Variants in C19orf47 observed in about 807,000 individuals in gnomAD.
C19orf47 encodes the protein uncharacterized protein C19orf47.
In C19orf47, 18 loss-of-function variants were observed where a neutral mutation model predicts 32.3. The ratio of observed to expected loss-of-function variants is 0.56; its 90% CI spans 0.39 to 0.83. C19orf47 has a LOEUF of 0.83. Among genes scored for constraint, C19orf47 ranks in the 40% least tolerant of loss-of-function variants. C19orf47 has a pLI of 0.00. For synonymous variants in C19orf47, 202 were observed against 211.1 expected, an observed-to-expected ratio of 0.96 and a Z score of 0.37; for missense variants, 484 against 531.6, an observed-to-expected ratio of 0.91 and a Z score of 0.88.
At chr19:40,317,608 G>A (rs186985677), downstream of C19orf47, among the ~76,000 whole-genome samples, 2 of 152,236 alleles carry the variant, frequency 1.3e-5, no homozygotes, top group African/African-American at 2.4e-5. Context: ...TCACAAGGAT[G>A]TGGCTCTCAA....
chr19:40,345,520 G>A (rs557963539), intron 1 of C19orf47, among the ~76,000 whole-genome samples: 5 of 137,862 alleles, frequency 3.6e-5, no homozygotes, highest in East Asian at 2.2e-4. Context: ...GCAATATAGC[G>A]AGACCCTGTC....
Position 40,321,586 on chromosome 19 carries a change from C to T in C19orf47, c.*296G>A. 5 of 1,173,686 alleles carry T rather than the reference C, an allele frequency of 4.3e-6. No homozygotes were observed. Among genetic ancestry groups the T allele is most frequent in the Non-Finnish European group, 5.3e-6 (5 of 947,364 alleles). 72.7% of individuals were successfully genotyped at this position (1,173,686 alleles called of 1,614,324 possible). ...AAGGGGAATGTAGGAGAGGAAGAAG[C>T]CCCCTGGCACTTGGGAGAGGTAGAA... On this transcript the variant is annotated 3_prime_UTR_variant, in exon 9 of 9. Transcript: ENST00000683109.
the C19orf47 span, chr19:40,299,459 T>G: frequency 6.6e-6 from 1 of 152,186 alleles, no homozygotes; most frequent in Non-Finnish European, 1.5e-5. Flanking sequence ...ATTTTTCCTT[T>G]TTTCTTTTCT....
At chr19:40,348,218 T>TA (rs952219662) in intron 1 of C19orf47, 106 bp downstream of exon 1, 4 of 706,904 alleles carry the variant, frequency 5.7e-6, no homozygotes, top group African/African-American at 3.8e-5. Flanking sequence ...AAACAAATCG[T>TA]AAGTCCGAAG....
intron 1 of C19orf47, among the ~76,000 whole-genome samples, chr19:40,344,215 G>A (rs1040773912): frequency 1.2e-4 from 18 of 151,780 alleles, no homozygotes; most frequent in Admixed American, 5.3e-4. Flanking sequence ...GCAGTGGCTC[G>A]TGCCTGTAAT....
downstream of C19orf47, among the ~76,000 whole-genome samples, chr19:40,318,048 T>C (rs933284437): frequency 1.1e-4 from 17 of 152,140 alleles, no homozygotes; most frequent in African/African-American, 4.1e-4. Flanking sequence ...ACCTCCGCCT[T>C]GACCCTTCTC....
At chr19:40,348,219 A>T in intron 1 of C19orf47, 105 bp downstream of exon 1, 1 of 706,630 alleles carries the variant, frequency 1.4e-6, no homozygotes, top group Non-Finnish European at 2.0e-6. Context: ...AACAAATCGT[A>T]AGTCCGAAGC....
downstream of C19orf47, among the ~76,000 whole-genome samples, chr19:40,317,402 T>C (rs1316619733): frequency 6.6e-6 from 1 of 151,998 alleles, no homozygotes; most frequent in Non-Finnish European, 1.5e-5. Flanking sequence ...GAGACCAGCC[T>C]GGGCAACATA....
At chr19:40,312,414 G>A in the C19orf47 span, among the ~76,000 whole-genome samples, 12 of 152,056 alleles carry the variant, frequency 7.9e-5, no homozygotes, top group East Asian at 1.9e-4. Flanking sequence ...GCATGGTGGC[G>A]GGCGCCTGTA....
At chr19:40,325,961 A>C (rs1345243272) in intron 7 of C19orf47, among the ~76,000 whole-genome samples, 1 of 152,208 alleles carries the variant, frequency 6.6e-6, no homozygotes, top group Non-Finnish European at 1.5e-5. Context: ...TCTGTACTCC[A>C]AGTCAGAAGG....
At chr19:40,317,700 G>A (rs1167072480), downstream of C19orf47, among the ~76,000 whole-genome samples, 1 of 148,324 alleles carries the variant, frequency 6.7e-6, no homozygotes, top group African/African-American at 2.6e-5. Flanking sequence ...GACAACTCTA[G>A]AGAGTCCAAA....
At position 40,328,493 on chromosome 19, in the gene C19orf47, G is replaced by C. The variant is rs775117745; in HGVS notation, c.359C>G (p.Pro120Arg). 1.2e-6 allele frequency: 2 copies of C among 1,612,178 alleles called. No homozygotes were observed. Among genetic ancestry groups the C allele is most frequent in the Non-Finnish European group, 1.7e-6 (2 of 1,179,148 alleles). Residue 120 changes from proline to arginine, a missense_variant, in exon 6 of 9, where the codon CCC (proline) becomes CGC (arginine). Physicochemically the swap from Pro to Arg is moderately radical, Grantham distance 103 (BLOSUM62 -2). Around this residue, in one of 3 missense-constraint regions of C19orf47, gnomAD observed 376 missense variants for 370.2 expected, o/e 1.02. Coordinates refer to ENST00000683109, the MANE Select transcript of C19orf47 (RefSeq NM_001256441.2). ...LNHDSPPSTP[P>R]RRPDTSTSKI... ...GGAGGTGCTGGTGTCCGGGCGCCTG[G>C]GGGGTGTGCTGGGTGGAGAGTCATG...
At position 40,328,077 on chromosome 19, in the gene C19orf47, G is replaced by A. The variant is rs540140980; in HGVS notation, c.439+336C>T. The stretch of plus-strand genomic sequence containing the variant: ...TATGACCCCAGGCATCAAGCACAGA[G>A]CTGTGCACAAGTAGGGGGCTCGGTG... On this transcript the variant is annotated intron_variant, in intron 6 of 8. Transcript: ENST00000683109. 7.9e-5 allele frequency among the ~76,000 whole-genome samples: 12 copies of A among 152,224 alleles called. No homozygotes were observed. In the South Asian group the frequency reaches 2.5e-3, roughly 32 times the overall value.
At chr19:40,343,535 C>T (rs901546553) in intron 1 of C19orf47, 1 of 152,246 alleles carries the variant, frequency 6.6e-6, no homozygotes, top group Admixed American at 6.5e-5. Context: ...TGAGACAGTG[C>T]TTGGTGCCTA....
At chr19:40,329,070 A>G (rs1255444923) in intron 5 of C19orf47, among the ~76,000 whole-genome samples, 1 of 151,996 alleles carries the variant, frequency 6.6e-6, no homozygotes, top group African/African-American at 2.4e-5. Flanking sequence ...CTCAACCTCT[A>G]TCACCCTTAC....
chr19:40,324,106 G>A (rs376546479), intron 7 of C19orf47, 30 bp from the exon 8 acceptor site: 2 of 1,611,202 alleles, frequency 1.2e-6, no homozygotes, highest in African/African-American at 1.3e-5. Context: ...ATCAGGGAGA[G>A]GCCCCGGTGG....
At chr19:40,305,614 T>C in the C19orf47 span, among the ~76,000 whole-genome samples, 1 of 152,140 alleles carries the variant, frequency 6.6e-6, no homozygotes, top group African/African-American at 2.4e-5. Flanking sequence ...ACATTCACTG[T>C]CTAAAAGGAA....
the C19orf47 span, among the ~76,000 whole-genome samples, chr19:40,313,717 T>C: frequency 1.3e-3 from 194 of 152,292 alleles, no homozygotes; most frequent in African/African-American, 4.4e-3. Context: ...TGATGGCTCA[T>C]GCCTGTAATT....
At chr19:40,343,211 A>G (rs1203908306) in intron 1 of C19orf47, among the ~76,000 whole-genome samples, 6 of 151,980 alleles carry the variant, frequency 3.9e-5, no homozygotes, top group African/African-American at 4.8e-5. Context: ...GCAGCCCCCA[A>G]TACTGATCCT....
Sources: gnomAD v4.1 joint callset for allele counts (sites outside exome capture counted in the v4.1 genomes callset) on GRCh38, gnomAD v4.1.1 for gene constraint, gnomAD v4.1.1 regional missense constraint, MANE v1.5 for transcripts, NCBI Gene and HGNC (gene_info 2026-07-23, HGNC 2026-07-21) for gene names.